NNT: variants seen among roughly 807,000 people sequenced by gnomAD.
NNT encodes the protein nicotinamide nucleotide transhydrogenase, also known as NAD(P) transhydrogenase, mitochondrial.
A neutral mutation model predicts 104.8 loss-of-function variants in NNT; 50 were observed. That is an observed-to-expected ratio of 0.48 (90% confidence interval 0.38 to 0.60). The LOEUF is 0.60. NNT is among the 20% of genes least tolerant of loss of function. The pLI is 0.00. For synonymous variants in NNT, 461 were observed against 490.4 expected (o/e 0.94, Z 0.79); for missense variants, 1,131 against 1,330.7 (o/e 0.85, Z 2.33).
chr5:43,609,784 C>G (rs989881896), intron 2 of NNT, among the ~76,000 whole-genome samples: 2 of 152,192 alleles, frequency 1.3e-5, no homozygotes, highest in Non-Finnish European at 2.9e-5. Flanking sequence ...TTGCTCAGGT[C>G]AGAAACCCTG....
chr5:43,634,223 C>T (rs1750823007), intron 7 of NNT, among the ~76,000 whole-genome samples: 1 of 152,104 alleles, frequency 6.6e-6, no homozygotes, highest in Admixed American at 6.6e-5. Flanking sequence ...AAGTTCCTTA[C>T]ATATATGAAC....
chr5:43,650,295 T>C (rs1400648750), intron 11 of NNT, among the ~76,000 whole-genome samples, 182 bp from the exon 12 acceptor site: 3 of 152,254 alleles, frequency 2.0e-5, no homozygotes, highest in African/African-American at 7.2e-5. Flanking sequence ...AGATGTGTTG[T>C]CAACAGTCTG....
In NNT at chr5:43,651,598, G is replaced by A. The variant is rs1004997233; in HGVS notation, c.1718-141G>A. The A allele has an allele frequency of 4.4e-6, 4 of 916,920 alleles. No homozygotes were observed. The African/African-American group carries it at 6.7e-5, about 15-fold the overall frequency. 56.8% of individuals were successfully genotyped at this position (916,920 alleles called of 1,614,324 possible). A position where few individuals can be genotyped will look rare whatever the true frequency, so the allele number is the denominator to read the frequency against. ...ATCTCAAAAAAAAAAATTTGAGGTT[G>A]CAAAATGTTACTTTAAATTATATTT... On this transcript the variant is annotated intron_variant, in intron 12 of 21. Transcript: ENST00000344920.
intron 17 of NNT, among the ~76,000 whole-genome samples, chr5:43,669,022 A>G (rs1740882595): frequency 6.6e-6 from 1 of 151,974 alleles, no homozygotes; most frequent in Admixed American, 6.6e-5. Context: ...ATTCCTAGGT[A>G]TTTTATTCTC....
chr5:43,671,647 A>G (rs1741097535), intron 17 of NNT, among the ~76,000 whole-genome samples: 1 of 152,226 alleles, frequency 6.6e-6, no homozygotes, highest in Non-Finnish European at 1.5e-5. Flanking sequence ...TTCTGCTGAG[A>G]GATCAGCTGT....
chr5:43,634,860 G>A (rs1201410489), intron 7 of NNT, among the ~76,000 whole-genome samples: 1 of 152,128 alleles, frequency 6.6e-6, no homozygotes, highest in Non-Finnish European at 1.5e-5. Context: ...GAGTGACTGG[G>A]CCAGATTTAA....
At chr5:43,670,705 T>C (rs1741015804) in intron 17 of NNT, among the ~76,000 whole-genome samples, 2 of 152,232 alleles carry the variant, frequency 1.3e-5, no homozygotes, top group Non-Finnish European at 2.9e-5. Flanking sequence ...CTTGCACGTA[T>C]GTGGTCAATT....
chr5:43,677,768 T>C lies in NNT; in HGVS notation c.2838T>C (p.Asp946=). 6.2e-7 allele frequency: 1 copy of C among 1,613,718 alleles called. No individual in the cohort carries two copies. The highest frequency in any genetic ancestry group is 8.5e-7 in the Non-Finnish European group (1 of 1,179,686). ...CAAKAQYPIA[D]LVKMLTEQGK... ...CCAAAGCTCAATACCCCATTGCTGA[T>C]TTGGTAAAGATGCTCACTGAGCAAG... The change falls in exon 19 of 22, where the codon GAT becomes GAC. Residue 946 remains aspartate, a synonymous_variant. Transcript: ENST00000344920.
intron 19 of NNT, among the ~76,000 whole-genome samples, chr5:43,681,038 A>C (rs1741680962): frequency 6.6e-6 from 1 of 152,030 alleles, no homozygotes; most frequent in South Asian, 2.1e-4. Context: ...AGGCAGGCAG[A>C]CCAAGAGGTC....
At chr5:43,685,862 A>G (rs1338858888) in intron 19 of NNT, among the ~76,000 whole-genome samples, 1 of 152,106 alleles carries the variant, frequency 6.6e-6, no homozygotes, top group African/African-American at 2.4e-5. Context: ...CCCCTTTAAA[A>G]CATGTGGTAT....
chr5:43,672,909 C>T (rs1432098053), intron 17 of NNT, among the ~76,000 whole-genome samples: 1 of 152,234 alleles, frequency 6.6e-6, no homozygotes, highest in Non-Finnish European at 1.5e-5. Flanking sequence ...AGGCAGGCTT[C>T]CTTGAGCTGC....
intron 17 of NNT, among the ~76,000 whole-genome samples, chr5:43,671,206 C>G (rs958454310): frequency 6.6e-6 from 1 of 152,152 alleles, no homozygotes; most frequent in Non-Finnish European, 1.5e-5. Context: ...CTTGTGAATA[C>G]AGCACACTGA....
Position 43,666,915 on chromosome 5 carries a change from C to G in NNT, c.2634+7565C>G, listed in dbSNP as rs537256256. 13 of 1,578,150 alleles carry G rather than the reference C, an allele frequency of 8.2e-6. No homozygotes were observed. The East Asian group carries it at 2.5e-4, about 30-fold the overall frequency. On this transcript the variant is annotated intron_variant, in intron 17 of 21. Coordinates refer to ENST00000344920, the MANE Select transcript of NNT (RefSeq NM_182977.3). ...CCTTGGCAATACAGGCACAAACACG[C>G]TTCCCAAGCTTGGGGTGGGCAATGT...
intron 2 of NNT, 25 bp from the exon 3 acceptor site, chr5:43,612,883 T>C (rs5867640): frequency 8.4e-7 from 1 of 1,190,396 alleles, no homozygotes; most frequent in Non-Finnish European, 1.2e-6. Flanking sequence ...AAATATATAT[T>C]TTTTTTGCCT....
At chr5:43,608,220 C>T (rs1033071219) in intron 1 of NNT, among the ~76,000 whole-genome samples, 13 of 152,164 alleles carry the variant, frequency 8.5e-5, no homozygotes, top group South Asian at 2.1e-4. Flanking sequence ...TAAGCCACTG[C>T]GCCTGGCTTC....
At chr5:43,607,651 C>T (rs1445940853) in intron 1 of NNT, among the ~76,000 whole-genome samples, 1 of 152,284 alleles carries the variant, frequency 6.6e-6, no homozygotes, top group African/African-American at 2.4e-5. Flanking sequence ...CGAGGTTTTG[C>T]CATGTTGCCC....
At chr5:43,633,811 T>G (rs1346765031) in intron 7 of NNT, among the ~76,000 whole-genome samples, 3 of 152,172 alleles carry the variant, frequency 2.0e-5, no homozygotes, top group Non-Finnish European at 2.9e-5. Flanking sequence ...TTGGTTCACT[T>G]TTGGATAGGA....
chr5:43,682,230 T>G (rs1365412416), intron 19 of NNT, among the ~76,000 whole-genome samples: 3 of 141,040 alleles, frequency 2.1e-5, no homozygotes, highest in African/African-American at 5.8e-5. Flanking sequence ...TTTTTTTTTT[T>G]GTTGGAATCT....
Position 43,645,358 on chromosome 5 carries a change from ATGGTAAAG to A in NNT, c.1295_1302del (p.Gly432AspfsTer23). 6.5e-7 allele frequency: 1 copy of A among 1,534,716 alleles called. No homozygotes were observed. Among genetic ancestry groups the A allele is most frequent in the Non-Finnish European group, 8.8e-7 (1 of 1,138,836 alleles). ...GTACTATTTTTTAATGTCTATTAGG[ATGGTAAAG>A]TGATTTTCCCAGCTCCCACACCGAA... On this transcript the variant is annotated frameshift_variant and splice_region_variant, in exon 10 of 22. Transcript: ENST00000344920. LOFTEE classifies it high-confidence loss of function.
Sources: gnomAD v4.1 joint callset for allele counts (sites outside exome capture counted in the v4.1 genomes callset) on GRCh38, gnomAD v4.1.1 for gene constraint, MANE v1.5 for transcripts, NCBI Gene and HGNC (gene_info 2026-07-23, HGNC 2026-07-21) for gene names.